Variants in TPM3 observed in about 807,000 individuals in gnomAD.
TPM3 encodes the protein tropomyosin alpha-3 chain.
A neutral mutation model predicts 43.1 loss-of-function variants in TPM3; 16 were observed. The ratio of observed to expected loss-of-function variants is 0.37; its 90% CI spans 0.25 to 0.56. TPM3 has a LOEUF of 0.56. Ranked by LOEUF, TPM3 falls within the 20% of genes least tolerant of loss-of-function variation. TPM3 has a pLI of 0.77. For synonymous variants in TPM3, 101 were observed against 116.9 expected (o/e 0.86, Z 0.88); for missense variants, 176 against 337.2 (o/e 0.52, Z 3.74).
In TPM3 at chr1:154,186,123, T is replaced by C. The variant is rs190713414; in HGVS notation, c.243+5063A>G. 9.2e-4 allele frequency among the ~76,000 whole-genome samples: 140 copies of C among 151,684 alleles called. 12 individuals are homozygous for C. The highest frequency in any genetic ancestry group is 2.7e-3 in the African/African-American group (111 of 40,960). On this transcript the variant is annotated intron_variant, in intron 2 of 9. Transcript: ENST00000651641. The stretch of plus-strand genomic sequence containing the variant: ...ATAGAGTAACCTGCACACTGATTTT[T>C]CCCCCAGAAATTAGGAAGGAAGATC...
downstream of TPM3, among the ~76,000 whole-genome samples, chr1:154,158,071 G>C (rs1659988486): frequency 6.6e-6 from 1 of 152,244 alleles, no homozygotes; most frequent in Admixed American, 6.5e-5. Flanking sequence ...ATACCCTCTT[G>C]AAATGGCTCA....
rs1008339836 is a variant in TPM3, at chr1:154,187,359, C to G, written c.243+3827G>C. The G allele has an allele frequency of 1.1e-5, 11 of 984,774 alleles. No homozygotes were observed. In the African/African-American group the frequency reaches 1.9e-4, roughly 17 times the overall value. The allele number at this position is 984,774 out of a possible 1,614,324, so 61.0% of individuals were successfully genotyped here. On this transcript the variant is annotated intron_variant, in intron 2 of 9. Transcript: ENST00000651641. Reference sequence around the variant, plus strand: ...AGCTTTGAGGAAAGAAACCTTTCTTCTTGCTTGCTCCTGGCCACAACCTTC... The same window carrying G: ...AGCTTTGAGGAAAGAAACCTTTCTTGTTGCTTGCTCCTGGCCACAACCTTC...
intron 2 of TPM3, among the ~76,000 whole-genome samples, chr1:154,180,810 A>G (rs1217554277): frequency 6.6e-6 from 1 of 152,110 alleles, no homozygotes; most frequent in African/African-American, 2.4e-5. Flanking sequence ...CTGTAATCCC[A>G]GCCACTCAGG....
intron 2 of TPM3, among the ~76,000 whole-genome samples, chr1:154,184,813 C>G (rs141958814): frequency 5.3e-4 from 81 of 152,088 alleles, no homozygotes; most frequent in African/African-American, 1.9e-3. Context: ...ACTTGGGAGG[C>G]TGAGGTGGGA....
Position 154,165,211 on chromosome 1 carries a change from G to A in TPM3, c.*2726C>T, listed in dbSNP as rs1660809154. Among the ~76,000 whole-genome samples, 2 of 148,562 alleles carry A rather than the reference G, an allele frequency of 1.3e-5. No individual in the cohort carries two copies. Among genetic ancestry groups the A allele is most frequent in the Admixed American group, 6.7e-5 (1 of 14,824 alleles). ...AGCCTGGCCAACATGCTGAAACCCC[G>A]TCCGTACTAAAAATACAAAAATCAG... is the stretch of plus-strand genomic sequence containing the variant. On this transcript the variant is annotated 3_prime_UTR_variant, in exon 10 of 10. Coordinates refer to ENST00000651641, the MANE Select transcript of TPM3 (RefSeq NM_152263.4).
chr1:154,179,869 TTAAG>T (rs887133155), intron 2 of TPM3, among the ~76,000 whole-genome samples: 1 of 152,164 alleles, frequency 6.6e-6, no homozygotes, highest in African/African-American at 2.4e-5. Context: ...ACCCAGCCTC[TTAAG>T]TTTTTTAGAC....
At chr1:154,190,648 TG>T (rs1346927892) in intron 2 of TPM3, among the ~76,000 whole-genome samples, 1 of 152,214 alleles carries the variant, frequency 6.6e-6, no homozygotes, top group East Asian at 1.9e-4. Context: ...ATGCTTCATA[TG>T]GCATCTCCAT....
At chr1:154,157,457 T>A, downstream of TPM3, 1 of 713,214 alleles carries the variant, frequency 1.4e-6, no homozygotes, top group South Asian at 1.5e-5. Flanking sequence ...CCAGCTGGAT[T>A]CTCCGGGAAG....
chr1:154,166,230 G>C lies in TPM3; in HGVS notation c.*1707C>G, dbSNP rs1660941824. 1 of 228,952 alleles carries C rather than the reference G, an allele frequency of 4.4e-6. No homozygotes were observed. The highest frequency in any genetic ancestry group is 1.8e-4 in the South Asian group (1 of 5,500). 14.2% of individuals were successfully genotyped at this position (228,952 alleles called of 1,614,324 possible). ...CTGATTATATCTGTTTAAAAGAAGAGCAAAAGTGTTTTTAACAGATGGAAT... is the reference window on the plus strand; with the variant it reads ...CTGATTATATCTGTTTAAAAGAAGACCAAAAGTGTTTTTAACAGATGGAAT... On this transcript the variant is annotated 3_prime_UTR_variant, in exon 10 of 10. Transcript: ENST00000651641.
Position 154,162,699 on chromosome 1 carries a change from A to G in TPM3, c.*5238T>C, listed in dbSNP as rs1053508684. Among the ~76,000 whole-genome samples, 7 of 152,216 alleles carry G rather than the reference A, an allele frequency of 4.6e-5. No individual in the cohort carries two copies. The highest frequency in any genetic ancestry group is 8.8e-5 in the Non-Finnish European group (6 of 68,036). ...CTAGTCCAGGCTCAAGTAACACAGG[A>G]TGGCTTCTGCAAGGATATTAAGCCT... On this transcript the variant is annotated 3_prime_UTR_variant, in exon 10 of 10. Coordinates refer to ENST00000651641, the MANE Select transcript of TPM3 (RefSeq NM_152263.4).
rs1001467566 is a variant in TPM3 at position 154,188,397 on chromosome 1, C to T, written c.243+2789G>A. ...AATTAATAGTTTGTGGCGGCCTGGC[C>T]GGGCGCGGTGGCTCACACCTGTAAT... On this transcript the variant is annotated intron_variant, in intron 2 of 9. Transcript: ENST00000651641. Among the ~76,000 whole-genome samples, 40 of 151,688 alleles carry T rather than the reference C, an allele frequency of 2.6e-4. 4 individuals carry two copies. The highest frequency in any genetic ancestry group is 9.3e-4 in the African/African-American group (38 of 41,024).
chr1:154,171,764 C>G, intron 5 of TPM3: 1 of 620,580 alleles, frequency 1.6e-6, no homozygotes, highest in Non-Finnish European at 2.8e-6. Flanking sequence ...ATAACTGCTA[C>G]CTGGGGTGGA....
intron 9 of TPM3, among the ~76,000 whole-genome samples, chr1:154,168,501 C>A (rs1354640811): frequency 2.0e-5 from 3 of 152,230 alleles, no homozygotes; most frequent in African/African-American, 7.2e-5. Flanking sequence ...CAGGGTTCTC[C>A]TTCTGATCCA....
rs1191025222 is a variant in TPM3, at chr1:154,166,726, G to A, written c.*1211C>T. On this transcript the variant is annotated 3_prime_UTR_variant, in exon 10 of 10. Transcript: ENST00000651641. ...TGAGATGGAGTCTCTCTGTTGCCCA[G>A]GCTGGAATGCAGTGGCGCGATCTCC... The A allele has an allele frequency of 1.0e-6, 1 of 979,482 alleles. No homozygotes were observed. The highest frequency in any genetic ancestry group is 6.3e-5 in the Admixed American group (1 of 15,982). 60.7% of individuals were successfully genotyped at this position (979,482 alleles called of 1,614,324 possible). A position where few individuals can be genotyped will look rare whatever the true frequency, so the allele number is the denominator to read the frequency against.
At chr1:154,184,791 G>A (rs976109511) in intron 2 of TPM3, among the ~76,000 whole-genome samples, 4 of 152,002 alleles carry the variant, frequency 2.6e-5, no homozygotes, top group African/African-American at 9.7e-5. Context: ...CAGCACGTCT[G>A]TAGTCCCAGC....
chr1:154,160,037 A>T (rs934349009), downstream of TPM3, among the ~76,000 whole-genome samples: 31 of 140,484 alleles, frequency 2.2e-4, no homozygotes, highest in East Asian at 1.5e-3. Flanking sequence ...AGGACAATTT[A>T]GCAAGCATTC....
intron 2 of TPM3, among the ~76,000 whole-genome samples, chr1:154,189,080 C>T (rs535070700): frequency 1.6e-5 from 2 of 128,280 alleles, no homozygotes; most frequent in Non-Finnish European, 3.2e-5. Flanking sequence ...TGCAGTGAGT[C>T]GAGATCTTGC....
chr1:154,172,010 T>G (rs1329130066), intron 5 of TPM3: 3 of 1,613,348 alleles, frequency 1.9e-6, no homozygotes, highest in Non-Finnish European at 2.5e-6. Flanking sequence ...AACCTTGCTG[T>G]GGGCTTAATG....
rs1269563891 is a variant in TPM3 at position 154,172,742 on chromosome 1, G to A, written c.566+166C>T. The A allele has an allele frequency of 3.6e-6, 3 of 828,948 alleles. No homozygotes were observed. The African/African-American group carries it at 5.1e-5, about 14-fold the overall frequency. The allele number at this position is 828,948 out of a possible 1,614,324, so 51.3% of individuals were successfully genotyped here. A position where few individuals can be genotyped will look rare whatever the true frequency, so the allele number is the denominator to read the frequency against. On this transcript the variant is annotated intron_variant, in intron 5 of 9. Transcript: ENST00000651641. ...ACTTGTCACTAGTCAGGAGAATAAG[G>A]AAGCCTAAAACCATTCTTGGGCCTA... is the stretch of plus-strand genomic sequence containing the variant.
Sources: allele counts gnomAD v4.1 joint callset (sites outside exome capture counted in the v4.1 genomes callset), GRCh38; gene constraint gnomAD v4.1.1; transcripts MANE v1.5; gene names NCBI Gene and HGNC (gene_info 2026-07-23, HGNC 2026-07-21).